SRP19: variants seen among roughly 807,000 people sequenced by gnomAD.
The protein encoded by SRP19 is signal recognition particle 19.
Under a neutral mutation model 22.4 loss-of-function variants are expected in SRP19, and 11 were observed. The ratio of observed to expected loss-of-function variants is 0.49; its 90% confidence interval spans 0.31 to 0.81. The LOEUF (loss-of-function observed/expected upper bound fraction) is 0.81, where lower values mean the gene tolerates loss of function less well. SRP19 is among the 40% of genes least tolerant of loss of function. SRP19 has a pLI of 0.05. For missense variants in SRP19, 168 were observed against 175.9 expected (o/e 0.96, Z 0.25); for synonymous variants, 61 against 57.6 (o/e 1.06, Z -0.27).
chr5:112,879,639 A>T (rs1253649276), intron 4 of SRP19, among the ~76,000 whole-genome samples: 5 of 151,762 alleles, frequency 3.3e-5, no homozygotes, highest in Non-Finnish European at 7.4e-5. Context: ...ACGCCCAGCT[A>T]ATTTTTTTTT....
rs1767667127 is a variant in SRP19 at position 112,868,107 on chromosome 5, A to G, written c.*570A>G. On this transcript the variant is annotated 3_prime_UTR_variant, in exon 5 of 5. Coordinates refer to ENST00000505459, the MANE Select transcript of SRP19 (RefSeq NM_003135.3). The stretch of plus-strand genomic sequence containing the variant: ...ATATATTATTGTAATCGAATCGTTC[A>G]GTTGTTTTTTGACATGGAAAGTCCT... The G allele has an allele frequency of 1.0e-6, 1 of 985,336 alleles. No individual in the cohort carries two copies. 61.0% of individuals were successfully genotyped at this position (985,336 alleles called of 1,614,324 possible). A position where few individuals can be genotyped will look rare whatever the true frequency, so the allele number is the denominator to read the frequency against.
intron 2 of SRP19, among the ~76,000 whole-genome samples, chr5:112,862,793 T>C (rs1451791859): frequency 6.6e-6 from 1 of 151,456 alleles, no homozygotes; most frequent in Non-Finnish European, 1.5e-5. Context: ...TTTTAACGTC[T>C]CTTAATGAGC....
intron 4 of SRP19, chr5:112,891,542 T>C (rs1432725109): frequency 1.3e-6 from 2 of 1,493,654 alleles, no homozygotes; most frequent in Admixed American, 2.0e-5. Context: ...ACATAAAATA[T>C]TCATAAGTAG....
chr5:112,885,543 ACAT>A (rs1263969025), intron 4 of SRP19: 1 of 239,486 alleles, frequency 4.2e-6, no homozygotes, highest in Non-Finnish European at 8.9e-6. Context: ...TTGGAAGTAA[ACAT>A]CAACTACCTT....
At chr5:112,877,126 T>G (rs1767917993) in intron 4 of SRP19, 1 of 152,226 alleles carries the variant, frequency 6.6e-6, no homozygotes, top group Non-Finnish European at 1.5e-5. Flanking sequence ...TACAAAGTTT[T>G]AAGTTTAATA....
intron 4 of SRP19, among the ~76,000 whole-genome samples, chr5:112,879,532 G>A (rs1477644146): frequency 6.6e-6 from 1 of 152,148 alleles, no homozygotes; most frequent in Non-Finnish European, 1.5e-5. Flanking sequence ...GGAGTGCAGT[G>A]GCGCGATCTC....
chr5:112,877,981 CTGTGTGTG>C (rs60109818), intron 4 of SRP19: 9,532 of 147,556 alleles, frequency 0.065, 356 homozygotes, highest in Non-Finnish European at 0.074. Flanking sequence ...ACAGGTTACT[CTGTGTGTG>C]TGTGTGTGTG....
exon 5 of SRP19, chr5:112,891,907 G>T (rs776143293): frequency 2.3e-6 from 3 of 1,314,948 alleles, no homozygotes; most frequent in Non-Finnish European, 3.3e-6. Flanking sequence ...GGCACAAGAA[G>T]AATTCAGAAT....
At chr5:112,862,640 C>G (rs1256767795) in intron 2 of SRP19, 57 bp downstream of exon 2, 1 of 1,498,716 alleles carries the variant, frequency 6.7e-7, no homozygotes, top group East Asian at 2.3e-5. Context: ...TCATCCTGGT[C>G]GGGCCACGTA....
chr5:112,898,195 C>T (rs1310800936), exon 4 of SRP19: 1 of 152,238 alleles, frequency 6.6e-6, no homozygotes, highest in African/African-American at 2.4e-5. Flanking sequence ...GAACCTTCTC[C>T]TACAGACGAG....
intron 4 of SRP19, chr5:112,877,309 C>A (rs1035378985): frequency 5.3e-5 from 8 of 152,036 alleles, no homozygotes; most frequent in African/African-American, 1.9e-4. Flanking sequence ...CTTTATTTGC[C>A]TTAAAAAATA....
downstream of SRP19, among the ~76,000 whole-genome samples, chr5:112,872,180 G>C (rs962979817): frequency 8.5e-5 from 13 of 152,098 alleles, no homozygotes; most frequent in African/African-American, 2.7e-4. Context: ...TCTGTTCACA[G>C]CTCAGCCGTG....
At chr5:112,866,277 C>T (rs576443421) in intron 4 of SRP19, among the ~76,000 whole-genome samples, 15 of 152,110 alleles carry the variant, frequency 9.9e-5, no homozygotes, top group East Asian at 5.8e-4. Flanking sequence ...CCACCAGACC[C>T]GGCTAATTTT....
At chr5:112,893,670 G>A (rs113658445), downstream of SRP19, 1,533 of 152,466 alleles carry the variant, frequency 0.01, 12 homozygotes, top group Non-Finnish European at 0.017. Flanking sequence ...TAGTAGTCTC[G>A]CTACACATGG....
In SRP19 at chr5:112,869,084, T is replaced by C. The variant is rs1039696421; in HGVS notation, c.*1547T>C. On this transcript the variant is annotated 3_prime_UTR_variant, in exon 5 of 5. Coordinates refer to ENST00000505459, the MANE Select transcript of SRP19 (RefSeq NM_003135.3). ...CAAAACAATAAGGGGATGTGTTTGC[T>C]GTGTAACAAAACAATGAAGGATTTA... 7 of 152,222 alleles carry C rather than the reference T, an allele frequency of 4.6e-5. No individual in the cohort carries two copies. Among genetic ancestry groups the C allele is most frequent in the African/African-American group, 1.7e-4 (7 of 41,448 alleles). The allele number at this position is 152,222 out of a possible 1,614,324, so 9.4% of individuals were successfully genotyped here. A position where few individuals can be genotyped will look rare whatever the true frequency, so the allele number is the denominator to read the frequency against.
Position 112,868,232 on chromosome 5 carries a change from T to C in SRP19, c.*695T>C. The C allele has an allele frequency of 5.1e-6, 5 of 985,528 alleles. No individual in the cohort carries two copies. The highest frequency in any genetic ancestry group is 6.0e-6 in the Non-Finnish European group (5 of 829,984). The allele number at this position is 985,528 out of a possible 1,614,324, so 61.0% of individuals were successfully genotyped here. On this transcript the variant is annotated 3_prime_UTR_variant, in exon 5 of 5. Transcript: ENST00000505459. ...TGCTTTAGCACCTTGAGGTACACTT[T>C]CCTTCAACAAATGAAATTGGATTGG...
intron 4 of SRP19, among the ~76,000 whole-genome samples, chr5:112,881,128 CAAAAAAAAAAAAA>C (rs58737941): frequency 3.0e-5 from 2 of 67,204 alleles, no homozygotes; most frequent in African/African-American, 1.2e-4. Flanking sequence ...GACTCTGTTT[CAAAAAAAAAAAAA>C]AAAAAAAAAA....
chr5:112,883,044 C>A (rs1768126354), intron 4 of SRP19, among the ~76,000 whole-genome samples: 1 of 152,226 alleles, frequency 6.6e-6, no homozygotes, highest in South Asian at 2.1e-4. Flanking sequence ...TCCAACAATT[C>A]ACCCTCTCAC....
At chr5:112,891,742 A>T in exon 5 of SRP19, 1 of 1,614,184 alleles carries the variant, frequency 6.2e-7, no homozygotes, top group Non-Finnish European at 8.5e-7. Context: ...GAAACGAAAG[A>T]AACGTCGGCA....
Sources: gnomAD v4.1 joint callset for allele counts (sites outside exome capture counted in the v4.1 genomes callset) on GRCh38, gnomAD v4.1.1 for gene constraint, MANE v1.5 for transcripts, NCBI Gene and HGNC (gene_info 2026-07-23, HGNC 2026-07-21) for gene names.